CHD1: variants seen among roughly 807,000 people sequenced by gnomAD.
CHD1 encodes the protein ATP-dependent chromatin remodeler CHD1.
Under a neutral mutation model 224.2 loss-of-function variants are expected in CHD1, and 36 were observed. The observed-to-expected ratio is 0.16, with a 90% confidence interval of 0.12 to 0.21. The LOEUF (loss-of-function observed/expected upper bound fraction) is 0.21, where lower values mean the gene tolerates loss of function less well. Among genes scored for constraint, CHD1 ranks in the 10% least tolerant of loss-of-function variants. The probability of loss-of-function intolerance (pLI) is 1.00; values close to 1 mark genes in which losing one functional copy is unlikely to be tolerated. For missense variants in CHD1, 1,378 were observed against 1,994.8 expected (o/e 0.69, Z 5.89); for synonymous variants, 668 against 658.3 (o/e 1.01, Z -0.23).
Position 98,856,487 on chromosome 5 carries a change from T to C in CHD1, c.5026A>G (p.Arg1676Gly). Residue 1676 changes from arginine to glycine, a missense_variant, in exon 36 of 36, where the codon AGG becomes GGG. This residue lies in a region of CHD1 where 278 missense variants were observed against 298.5 expected (regional missense o/e 0.93). Transcript: ENST00000614616. ...MDHRASSSGP[R>G]SPLDQRSPYG... ...GGAGATCTCTGATCTAGTGGTGACC[T>C]AGGGCCACTGCTGGAAGCTCTGTGG... The C allele has an allele frequency of 3.1e-6, 5 of 1,613,756 alleles. No individual in the cohort carries two copies. Among genetic ancestry groups the C allele is most frequent in the Non-Finnish European group, 1.7e-6 (2 of 1,179,660 alleles).
At chr5:98,857,975 A>G (rs1748167589) in intron 35 of CHD1, among the ~76,000 whole-genome samples, 1 of 152,042 alleles carries the variant, frequency 6.6e-6, no homozygotes, top group South Asian at 2.1e-4. Flanking sequence ...TTTTGATCTC[A>G]ATTTTATAAT....
chr5:98,877,976 C>T (rs1489375111), intron 23 of CHD1, among the ~76,000 whole-genome samples: 1 of 152,082 alleles, frequency 6.6e-6, no homozygotes, highest in Non-Finnish European at 1.5e-5. Context: ...TAAGGATATA[C>T]AGGAGATTAC....
chr5:98,921,116 A>G (rs977045729), intron 2 of CHD1, among the ~76,000 whole-genome samples: 1 of 152,238 alleles, frequency 6.6e-6, no homozygotes, highest in South Asian at 2.1e-4. Flanking sequence ...GGGAATCATA[A>G]CAATGTATAC....
chr5:98,867,268 A>C (rs922396272), intron 31 of CHD1, among the ~76,000 whole-genome samples: 2 of 152,182 alleles, frequency 1.3e-5, no homozygotes, highest in Non-Finnish European at 1.5e-5. Flanking sequence ...AGGAACGCAA[A>C]GGCATGACAA....
chr5:98,907,487 C>T (rs1454496556), intron 2 of CHD1, among the ~76,000 whole-genome samples: 1 of 149,636 alleles, frequency 6.7e-6, no homozygotes, highest in Non-Finnish European at 1.5e-5. Context: ...ACTTGGGAGG[C>T]TGAGGCAGGA....
intron 2 of CHD1, among the ~76,000 whole-genome samples, chr5:98,913,789 T>C (rs1752569239): frequency 6.6e-6 from 1 of 150,450 alleles, no homozygotes; most frequent in Non-Finnish European, 1.5e-5. Flanking sequence ...ATAATACAAA[T>C]ACATTCAAGC....
At chr5:98,892,767 T>A in intron 14 of CHD1, 54 bp from the exon 15 acceptor site, 1 of 1,301,254 alleles carries the variant, frequency 7.7e-7, no homozygotes, top group South Asian at 1.7e-5. Context: ...ATTGTGTATG[T>A]TGTGTATGAA....
rs761944491 is a variant in CHD1, at chr5:98,900,998, ATCT to A, written c.669_671del (p.Glu223del). The A allele has an allele frequency of 6.9e-5, 111 of 1,613,854 alleles. No individual in the cohort carries two copies. Among genetic ancestry groups the A allele is most frequent in the Middle Eastern group, 3.3e-4 (2 of 6,062 alleles). ...GAGAACTTCTTTTATCATTATCATAATCTTCTTCATCATCATCCTCCTCAGATG... is the reference window on the plus strand; with the variant it reads ...GAGAACTTCTTTTATCATTATCATAATCTTCATCATCATCCTCCTCAGATG... On this transcript the variant is annotated inframe_deletion, in exon 7 of 36. Coordinates refer to ENST00000614616, the MANE Select transcript of CHD1 (RefSeq NM_001270.4).
intron 15 of CHD1, among the ~76,000 whole-genome samples, chr5:98,891,505 G>A (rs1751016943): frequency 6.6e-6 from 1 of 152,144 alleles, no homozygotes; most frequent in Non-Finnish European, 1.5e-5. Flanking sequence ...TAAAAAGACT[G>A]GCATGAGTTG....
chr5:98,898,278 G>A lies in CHD1; in HGVS notation c.1343C>T (p.Thr448Ile). The A allele has an allele frequency of 6.5e-7, 1 of 1,539,306 alleles. No individual in the cohort carries two copies. Among genetic ancestry groups the A allele is most frequent in the Non-Finnish European group, 8.7e-7 (1 of 1,145,284 alleles). Residue 448 changes from threonine (T) to isoleucine (I), a missense_variant, in exon 10 of 36, where the codon ACC (threonine) becomes ATC (isoleucine). Coordinates refer to ENST00000614616, the MANE Select transcript of CHD1 (RefSeq NM_001270.4). ...DEYFSRNQSK[T>I]TPFKDCKVLK... is the part of the protein sequence containing the mutation. ...CACTTTGCAATCTTTAAAAGGAGTG[G>A]TTTTTGATTGGTTCCTGCTAAAATA...
intron 31 of CHD1, among the ~76,000 whole-genome samples, chr5:98,866,979 T>C (rs976162510): frequency 1.3e-5 from 2 of 152,202 alleles, no homozygotes; most frequent in African/African-American, 4.8e-5. Flanking sequence ...TATCGATTTC[T>C]GAGCTTTTCT....
chr5:98,875,693 T>C (rs1033581153), intron 24 of CHD1, among the ~76,000 whole-genome samples: 1 of 152,194 alleles, frequency 6.6e-6, no homozygotes, highest in Non-Finnish European at 1.5e-5. Flanking sequence ...TAACAATGTA[T>C]TAAATTTTCT....
Position 98,925,705 on chromosome 5 carries a change from A to T in CHD1, c.53+629T>A, listed in dbSNP as rs185075160. 2.6e-4 allele frequency among the ~76,000 whole-genome samples: 40 copies of T among 152,130 alleles called. No individual in the cohort carries two copies. The East Asian group carries it at 7.7e-3, about 29-fold the overall frequency. On this transcript the variant is annotated intron_variant, in intron 2 of 35. Coordinates refer to ENST00000614616, the MANE Select transcript of CHD1 (RefSeq NM_001270.4). Reference sequence around the variant, plus strand: ...TCCTTCACAGATAATTAAAACTCCAATCTGAAAATAAAAAAGGGCCACAGT... The same window carrying T: ...TCCTTCACAGATAATTAAAACTCCATTCTGAAAATAAAAAAGGGCCACAGT...
At position 98,875,107 on chromosome 5, in the gene CHD1, G is replaced by T; in HGVS notation, c.3405C>A (p.Ile1135=). Residue 1135 remains isoleucine (I), a synonymous_variant, in exon 25 of 36, where the codon ATC becomes ATA. Coordinates refer to ENST00000614616, the MANE Select transcript of CHD1 (RefSeq NM_001270.4). Reference sequence around the variant, plus strand: ...GACCACCAAATTTCTTATAGCTCTTGATAAACCTAAGAGAAAATAATTGTT... The same window carrying T: ...GACCACCAAATTTCTTATAGCTCTTTATAAACCTAAGAGAAAATAATTGTT... ...GFSDAEIRRF[I]KSYKKFGGPL... is the part of the protein sequence containing the mutation. 1 of 1,504,962 alleles carries T rather than the reference G, an allele frequency of 6.6e-7. No homozygotes were observed. The highest frequency in any genetic ancestry group is 9.2e-7 in the Non-Finnish European group (1 of 1,088,290). 93.2% of individuals were successfully genotyped at this position (1,504,962 alleles called of 1,614,324 possible).
At chr5:98,875,169 C>G in intron 24 of CHD1, 56 bp from the exon 25 acceptor site, 2 of 951,744 alleles carry the variant, frequency 2.1e-6, no homozygotes, top group Admixed American at 2.2e-5. Flanking sequence ...TAAAATTATA[C>G]GTATTTCTGA....
rs530694255 is a variant in CHD1, at chr5:98,876,682, A to T, written c.3238-124T>A. 15 of 783,692 alleles carry T rather than the reference A, an allele frequency of 1.9e-5. No individual in the cohort carries two copies. The Middle Eastern group carries it at 9.8e-4, about 51-fold the overall frequency. 48.5% of individuals were successfully genotyped at this position (783,692 alleles called of 1,614,324 possible). ...ATTAAATGTATCAAAAACATTCCATAAACAAAATTAAAGAGCAAACAGAGA... is the reference window on the plus strand; with the variant it reads ...ATTAAATGTATCAAAAACATTCCATTAACAAAATTAAAGAGCAAACAGAGA... On this transcript the variant is annotated intron_variant, in intron 23 of 35. Coordinates refer to ENST00000614616, the MANE Select transcript of CHD1 (RefSeq NM_001270.4).
chr5:98,875,689 T>G (rs1580392496), intron 24 of CHD1, among the ~76,000 whole-genome samples: 1 of 152,168 alleles, frequency 6.6e-6, no homozygotes, highest in East Asian at 1.9e-4. Context: ...AGACTAACAA[T>G]GTATTAAATT....
intron 22 of CHD1, among the ~76,000 whole-genome samples, chr5:98,880,079 G>A (rs1274317764): frequency 6.6e-6 from 1 of 152,160 alleles, no homozygotes; most frequent in African/African-American, 2.4e-5. Context: ...ATCAAGTATT[G>A]TAGAACAATC....
Position 98,905,343 on chromosome 5 carries a change from A to G in CHD1, c.54-245T>C, listed in dbSNP as rs41300819. On this transcript the variant is annotated intron_variant, in intron 2 of 35. Transcript: ENST00000614616. ...TTTATGACATATTTTATAGATTTTT[A>G]TGGCTAAAACATAAGCAATAAGATT... Among the ~76,000 whole-genome samples the G allele has an allele frequency of 9.2e-3, 1,400 of 152,300 alleles. 16 individuals are homozygous for G. The highest frequency in any genetic ancestry group is 0.026 in the South Asian group (124 of 4,832).
Sources: gnomAD v4.1 joint callset for allele counts (sites outside exome capture counted in the v4.1 genomes callset) on GRCh38, gnomAD v4.1.1 for gene constraint, gnomAD v4.1.1 regional missense constraint, MANE v1.5 for transcripts, NCBI Gene and HGNC (gene_info 2026-07-23, HGNC 2026-07-21) for gene names.